Variants in SANBR observed in about 807,000 individuals in gnomAD.
SANBR encodes the protein SANT and BTB domain regulator of CSR.
Under a neutral mutation model 101.8 loss-of-function variants are expected in SANBR, and 77 were observed. The ratio of observed to expected loss-of-function variants is 0.76; its 90% confidence interval spans 0.63 to 0.91. The LOEUF is 0.91. Among genes scored for constraint, SANBR ranks in the 40% least tolerant of loss-of-function variants. The probability of loss-of-function intolerance (pLI) is 0.00; values close to 1 mark genes in which losing one functional copy is unlikely to be tolerated. For synonymous variants in SANBR, 279 were observed against 274.7 expected, an observed-to-expected ratio of 1.02 and a Z score of -0.15; for missense variants, 875 against 853.0, an observed-to-expected ratio of 1.03 and a Z score of -0.32.
rs150082222 is a variant in SANBR at position 61,067,738 on chromosome 2, TAAC to T, written c.-146-1092_-146-1090del. Among the ~76,000 whole-genome samples the T allele has an allele frequency of 7.9e-5, 12 of 151,900 alleles. No homozygotes were observed. The South Asian group carries it at 8.3e-4, about 11-fold the overall frequency. ...TGAGAGAGGGAGCGCCACTCCGTCT[TAAC>T]AACAACAACAACAACAACGCACTAT... On this transcript the variant is annotated intron_variant, in intron 1 of 21. Coordinates refer to ENST00000402291, the MANE Select transcript of SANBR (RefSeq NM_001129993.3).
chr2:61,098,266 G>C (rs1192521156), intron 12 of SANBR, among the ~76,000 whole-genome samples: 3 of 151,698 alleles, frequency 2.0e-5, no homozygotes, highest in Non-Finnish European at 4.4e-5. Flanking sequence ...ATCACACCCG[G>C]TAATTTTTTG....
chr2:61,081,371 T>G, intron 6 of SANBR, 81 bp from the exon 7 acceptor site: 1 of 1,328,046 alleles, frequency 7.5e-7, no homozygotes, highest in Admixed American at 2.7e-5. Context: ...AGTAATGTCC[T>G]CTTTTAAGGT....
chr2:61,067,192 A>G (rs1365406369), intron 1 of SANBR, among the ~76,000 whole-genome samples: 2 of 152,208 alleles, frequency 1.3e-5, no homozygotes, highest in African/African-American at 4.8e-5. Flanking sequence ...TCCCTTGCCT[A>G]GTACAGTTGT....
In SANBR at chr2:61,088,343, CTTCT is replaced by C; in HGVS notation, c.978-12_978-9del. 4 of 1,571,766 alleles carry C rather than the reference CTTCT, an allele frequency of 2.5e-6. No individual in the cohort carries two copies. Among genetic ancestry groups the C allele is most frequent in the Non-Finnish European group, 3.4e-6 (4 of 1,160,332 alleles). On this transcript the variant is annotated splice_polypyrimidine_tract_variant and intron_variant, in intron 9 of 21. Coordinates refer to ENST00000402291, the MANE Select transcript of SANBR (RefSeq NM_001129993.3). Reference sequence around the variant, plus strand: ...TCTTCTTCCTGGATGTTTTTTGTATCTTCTTTGTTTATAGATGCTGTTTGTGTAA... The same window carrying C: ...TCTTCTTCCTGGATGTTTTTTGTATCTTGTTTATAGATGCTGTTTGTGTAA...
At chr2:61,117,562 A>G (rs1304590547) in intron 19 of SANBR, 22 bp downstream of exon 19, 7 of 1,574,154 alleles carry the variant, frequency 4.4e-6, no homozygotes, top group South Asian at 2.2e-5. Flanking sequence ...TATTTGGGTA[A>G]TGTACAAATT....
intron 21 of SANBR, among the ~76,000 whole-genome samples, chr2:61,137,054 A>T (rs1684873190): frequency 1.3e-5 from 2 of 152,024 alleles, no homozygotes; most frequent in African/African-American, 4.8e-5. Flanking sequence ...TGGGAGACCA[A>T]GGTAGGAAGA....
chr2:61,066,350 T>A (rs902000144), intron 1 of SANBR: 13 of 152,428 alleles, frequency 8.5e-5, no homozygotes, highest in East Asian at 1.9e-4. Flanking sequence ...CCCGGCGCCT[T>A]TGTCCGCTCT....
chr2:61,106,390 CAAAAAAAAAAAAAAAA>C (rs11364653), intron 13 of SANBR, among the ~76,000 whole-genome samples, 157 bp from the exon 14 acceptor site: 7 of 63,264 alleles, frequency 1.1e-4, no homozygotes, highest in Admixed American at 2.2e-4. Flanking sequence ...GACTCCATCT[CAAAAAAAAAAAAAAAA>C]AAAAAAAAGG....
intron 13 of SANBR, among the ~76,000 whole-genome samples, chr2:61,105,184 C>G (rs1683496429): frequency 6.6e-6 from 1 of 152,006 alleles, no homozygotes; most frequent in South Asian, 2.1e-4. Context: ...AGTTTGAGAC[C>G]AGCCTGGCCA....
In SANBR at chr2:61,094,459, C is replaced by CT. The variant is rs532046929; in HGVS notation, c.1212+1878dup. Among the ~76,000 whole-genome samples the CT allele has an allele frequency of 4.1e-3, 630 of 152,092 alleles. 6 individuals carry two copies. The highest frequency in any genetic ancestry group is 0.015 in the African/African-American group (610 of 41,474). ...ATGTTGTTTCATAAATTAGTTTGTTCTTTTTTATGGCTAAGTAGTAGTCTG... is the reference window on the plus strand; with the variant it reads ...ATGTTGTTTCATAAATTAGTTTGTTCTTTTTTTATGGCTAAGTAGTAGTCTG... On this transcript the variant is annotated intron_variant, in intron 11 of 21. Coordinates refer to ENST00000402291, the MANE Select transcript of SANBR (RefSeq NM_001129993.3).
rs181853749 is a variant in SANBR at position 61,083,103 on chromosome 2, C to T, written c.730-51C>T. 2.9e-4 allele frequency: 380 copies of T among 1,322,720 alleles called. 3 individuals carry two copies. In the African/African-American group the frequency reaches 5.1e-3, roughly 18 times the overall value. The allele number at this position is 1,322,720 out of a possible 1,614,324, so 81.9% of individuals were successfully genotyped here. On this transcript the variant is annotated intron_variant, in intron 7 of 21. Transcript: ENST00000402291. ...TTATCTTTGAAAGGTATTGCTATGA[C>T]ATTGTCCTTCATGCTACTATTTTCG...
At position 61,118,073 on chromosome 2, in the gene SANBR, G is replaced by T; in HGVS notation, c.1985G>T (p.Arg662Ile). The T allele has an allele frequency of 1.2e-6, 2 of 1,613,838 alleles. No homozygotes were observed. Among genetic ancestry groups the T allele is most frequent in the Non-Finnish European group, 1.7e-6 (2 of 1,179,856 alleles). ...TEITGHLIKM[R>I]LGDLDRVKSK... ...ATTACAGGGCACCTAATAAAAATGAGATTGGGGGATCTGGACCGAGTCAAG... is the reference window on the plus strand; with the variant it reads ...ATTACAGGGCACCTAATAAAAATGATATTGGGGGATCTGGACCGAGTCAAG... Residue 662 changes from arginine to isoleucine, a missense_variant, in exon 20 of 22, where the codon AGA (arginine) becomes ATA (isoleucine). Arg to Ile is a moderately conservative substitution (Grantham distance 97). Transcript: ENST00000402291.
At chr2:61,077,899 A>G (rs1488829588) in intron 6 of SANBR, among the ~76,000 whole-genome samples, 2 of 152,210 alleles carry the variant, frequency 1.3e-5, no homozygotes, top group African/African-American at 4.8e-5. Flanking sequence ...TTTCTTGAAA[A>G]TGAGCTGCTC....
At chr2:61,117,075 C>T in intron 17 of SANBR, 1 of 410,984 alleles carries the variant, frequency 2.4e-6, no homozygotes, top group Non-Finnish European at 4.4e-6. Flanking sequence ...AAAAAAATTG[C>T]ATAAGCTGGG....
chr2:61,069,813 G>C (rs1681365093), intron 2 of SANBR: 1 of 152,326 alleles, frequency 6.6e-6, no homozygotes, highest in Admixed American at 6.6e-5. Context: ...CTCACAAACA[G>C]AAGCTTTCAA....
intron 16 of SANBR, among the ~76,000 whole-genome samples, chr2:61,111,366 C>G (rs1683823457): frequency 6.6e-6 from 1 of 152,164 alleles, no homozygotes; most frequent in Non-Finnish European, 1.5e-5. Flanking sequence ...GCACTCCAGC[C>G]TGTGCGACAG....
At chr2:61,091,313 T>G (rs542201310) in intron 10 of SANBR, among the ~76,000 whole-genome samples, 2 of 151,626 alleles carry the variant, frequency 1.3e-5, no homozygotes, top group Non-Finnish European at 2.9e-5. Flanking sequence ...AGGTGTAGGT[T>G]TGGCATGGTG....
chr2:61,117,201 A>C, intron 17 of SANBR, 156 bp from the exon 18 acceptor site: 2 of 679,564 alleles, frequency 2.9e-6, no homozygotes. Flanking sequence ...TGCCTGTCTC[A>C]TTTGGTTGGT....
rs139029405 is a variant in SANBR at position 61,117,540 on chromosome 2, G to A, written c.1939G>A (p.Asp647Asn). Residue 647 changes from aspartate to asparagine, a missense_variant and splice_region_variant, in exon 19 of 22, where the codon GAT (aspartate) becomes AAT (asparagine). Physicochemically the swap from Asp to Asn is conservative, Grantham distance 23 (BLOSUM62 1). Transcript: ENST00000402291. ...RFNQDAQRED[D>N]QRRMTEITGH... ...CAACCAGGATGCACAAAGAGAAGAC[G>A]GTAAATTTTATTATTTGGGTAATGT... The A allele has an allele frequency of 1.9e-6, 3 of 1,610,606 alleles. No individual in the cohort carries two copies. Among genetic ancestry groups the A allele is most frequent in the African/African-American group, 1.3e-5 (1 of 74,832 alleles).
Sources: gnomAD v4.1 joint callset for allele counts (sites outside exome capture counted in the v4.1 genomes callset) on GRCh38, gnomAD v4.1.1 for gene constraint, MANE v1.5 for transcripts, NCBI Gene and HGNC (gene_info 2026-07-23, HGNC 2026-07-21) for gene names.